The following HIVEP3 variants were observed in gnomAD, a reference collection of about 807,000 sequenced individuals.
The protein encoded by HIVEP3 is transcription factor HIVEP3.
HIVEP3 carries 49 observed loss-of-function variants against 152.8 expected under a neutral mutation model. The ratio of observed to expected loss-of-function variants is 0.32; its 90% CI spans 0.26 to 0.41. HIVEP3 has a LOEUF of 0.41. Ranked by LOEUF, HIVEP3 falls within the 10% of genes least tolerant of loss-of-function variation. HIVEP3 has a pLI of 1.00. For missense variants in HIVEP3, 2,790 were observed against 3,103.3 expected, an observed-to-expected ratio of 0.90 and a Z score of 2.40; for synonymous variants, 1,269 against 1,289.0, an observed-to-expected ratio of 0.98 and a Z score of 0.33.
intron 1 of HIVEP3, among the ~76,000 whole-genome samples, chr1:41,869,023 G>A (rs1178761551): frequency 6.6e-6 from 1 of 152,176 alleles, no homozygotes; most frequent in Non-Finnish European, 1.5e-5. Flanking sequence ...CAAAGGTGGG[G>A]TTCAAAGCAA....
chr1:41,845,404 TACACACACACACACGCACACACACACAC>T (rs1351579114), intron 1 of HIVEP3, among the ~76,000 whole-genome samples: 1 of 119,300 alleles, frequency 8.4e-6, no homozygotes, highest in Non-Finnish European at 1.7e-5. Context: ...ACACCTCCTA[TACACACACACACACGCACACACACACAC>T]ACACACACAC....
rs566502695 is a variant in HIVEP3, at chr1:41,511,641, G to A, written c.6406-375C>T. Among the ~76,000 whole-genome samples, 43 of 152,296 alleles carry A rather than the reference G, an allele frequency of 2.8e-4. No individual in the cohort carries two copies. The highest frequency in any genetic ancestry group is 9.9e-4 in the African/African-American group (41 of 41,578). The stretch of plus-strand genomic sequence containing the variant: ...CTGTTCCTAAAATGGTCTTCACCCA[G>A]CTTCACTCTTGGACATGAGTTCCCA... On this transcript the variant is annotated intron_variant, in intron 8 of 8. Coordinates refer to ENST00000372583, the MANE Select transcript of HIVEP3 (RefSeq NM_024503.5). The surrounding 1 kb of genome is among the most constrained non-coding windows in gnomAD (Gnocchi z 4.9).
chr1:41,513,183 A>G lies in HIVEP3; in HGVS notation c.6038T>C (p.Leu2013Pro). The G allele has an allele frequency of 6.2e-7, 1 of 1,613,848 alleles. No individual in the cohort carries two copies. The highest frequency in any genetic ancestry group is 2.2e-5 in the East Asian group (1 of 44,876). The change falls in exon 8 of 9, where the codon CTG becomes CCG. Residue 2013 changes from leucine (L) to proline (P), a missense_variant. Physicochemically the swap from Leu to Pro is moderately conservative, Grantham distance 98. Coordinates refer to ENST00000372583, the MANE Select transcript of HIVEP3 (RefSeq NM_024503.5). ...CATGCCCCTTCCTGGGTCCACGTGC[A>G]GGCCAGGTGGGCTTGGGGCTGAGGC... ...PQASAPSPPG[L>P]HVDPGRGMGA...
At chr1:41,518,921 G>C (rs1190180498) in intron 6 of HIVEP3, among the ~76,000 whole-genome samples, 2 of 151,858 alleles carry the variant, frequency 1.3e-5, no homozygotes. Context: ...GACGTGGGAG[G>C]CTCCCATTGA....
rs139354705 is a variant in HIVEP3, at chr1:41,758,951, A to G, written c.-800-57956T>C. On this transcript the variant is annotated intron_variant, in intron 1 of 8. Coordinates refer to ENST00000372583, the MANE Select transcript of HIVEP3 (RefSeq NM_024503.5). The stretch of plus-strand genomic sequence containing the variant: ...TTTTTTAAATTGTCGTAAAAGATAC[A>G]TAACATTTGCCATTTTAACCATTTT... Among the ~76,000 whole-genome samples, 20 of 152,286 alleles carry G rather than the reference A, an allele frequency of 1.3e-4. No homozygotes were observed. The East Asian group carries it at 2.5e-3, about 19-fold the overall frequency.
chr1:41,792,982 G>T (rs1412372618), intron 1 of HIVEP3, among the ~76,000 whole-genome samples: 1 of 152,166 alleles, frequency 6.6e-6, no homozygotes, highest in Non-Finnish European at 1.5e-5. Flanking sequence ...CCTGGATTCT[G>T]CTCTTTCCAA....
intron 1 of HIVEP3, among the ~76,000 whole-genome samples, chr1:42,034,415 C>A (rs959524976): frequency 6.6e-6 from 1 of 152,090 alleles, no homozygotes; most frequent in Non-Finnish European, 1.5e-5. Flanking sequence ...GTTGCAGAAC[C>A]GGCAGGCTAA....
rs544059492 is a variant in HIVEP3 at position 41,525,117 on chromosome 1, C to CG, written c.5208-208dup. Among the ~76,000 whole-genome samples, 23 of 152,154 alleles carry CG rather than the reference C, an allele frequency of 1.5e-4. No individual in the cohort carries two copies. The South Asian group carries it at 3.9e-3, about 26-fold the overall frequency. ...GACCCCTGCGCCCCTCCCCCTCAGA[C>CG]GGGGGGTTGCACTATTCTTCCTCCT... On this transcript the variant is annotated intron_variant, in intron 5 of 8. Transcript: ENST00000372583.
chr1:41,638,149 C>T (rs749039609), intron 2 of HIVEP3, among the ~76,000 whole-genome samples: 12 of 151,650 alleles, frequency 7.9e-5, no homozygotes, highest in African/African-American at 2.9e-4. Context: ...CACACTTCAC[C>T]GCTATGTAAT....
At chr1:41,830,700 C>T (rs1028219002) in intron 1 of HIVEP3, among the ~76,000 whole-genome samples, 1 of 152,200 alleles carries the variant, frequency 6.6e-6, no homozygotes, top group Non-Finnish European at 1.5e-5. Context: ...GGACTCAGGC[C>T]CTTGTTGGAA....
intron 5 of HIVEP3, among the ~76,000 whole-genome samples, chr1:41,527,045 C>T (rs1242347145): frequency 2.3e-5 from 1 of 43,090 alleles, no homozygotes; most frequent in African/African-American, 9.4e-5. Context: ...CTCACACACC[C>T]TCTTCCTCAC....
intron 5 of HIVEP3, among the ~76,000 whole-genome samples, chr1:41,556,225 C>T (rs2149084800): frequency 6.6e-6 from 1 of 152,330 alleles, no homozygotes; most frequent in East Asian, 1.9e-4. Flanking sequence ...ACAGCGGCTG[C>T]ACCATTTCAC....
chr1:41,903,527 C>T (rs1189382450), intron 1 of HIVEP3, among the ~76,000 whole-genome samples: 1 of 152,242 alleles, frequency 6.6e-6, no homozygotes, highest in African/African-American at 2.4e-5. Context: ...GAAAAGACCA[C>T]ACTTGCCCGA....
intron 1 of HIVEP3, among the ~76,000 whole-genome samples, chr1:41,938,881 C>G (rs1055936049): frequency 6.6e-6 from 1 of 152,214 alleles, no homozygotes; most frequent in Non-Finnish European, 1.5e-5. Context: ...CATTGTGGAG[C>G]TTCTCATGAG....
intron 1 of HIVEP3, among the ~76,000 whole-genome samples, chr1:41,856,033 ATGCCACCAAAGGGG>A (rs1216047364): frequency 6.6e-6 from 1 of 152,218 alleles, no homozygotes; most frequent in Non-Finnish European, 1.5e-5. Context: ...CTACAGGTGC[ATGCCACCAAAGGGG>A]CCTGCTGCCC....
rs972236651 is a variant in HIVEP3 at position 41,510,467 on chromosome 1, A to G, written c.7205T>C (p.Val2402Ala). ...GGAGAGAGGCTAAGCGTTGGGGGGA[A>G]CCCTGTCCTCAGGCTGATGTGGATG... Reference protein sequence around the residue: ...RAHPHQPEDRVPPNA With the variant: ...RAHPHQPEDRAPPNA Residue 2402 changes from valine to alanine, a missense_variant, in exon 9 of 9, where the codon GTT (valine) becomes GCT (alanine). Transcript: ENST00000372583. 7.2e-6 allele frequency: 11 copies of G among 1,518,744 alleles called. No individual in the cohort carries two copies. Among genetic ancestry groups the G allele is most frequent in the Middle Eastern group, 1.8e-4 (1 of 5,512 alleles). The allele number at this position is 1,518,744 out of a possible 1,614,324, so 94.1% of individuals were successfully genotyped here.
chr1:41,865,903 C>G (rs529455464), intron 1 of HIVEP3, among the ~76,000 whole-genome samples: 2 of 152,310 alleles, frequency 1.3e-5, no homozygotes, highest in South Asian at 2.1e-4. Flanking sequence ...TAACACGGAG[C>G]TTTGAGCTCA....
chr1:41,819,903 A>G (rs1254800795), intron 1 of HIVEP3, among the ~76,000 whole-genome samples: 1 of 152,236 alleles, frequency 6.6e-6, no homozygotes, highest in African/African-American at 2.4e-5. Context: ...AATGTGCTAT[A>G]GTCAAGACTT....
At chr1:41,954,859 A>G (rs943215939) in intron 1 of HIVEP3, among the ~76,000 whole-genome samples, 2 of 152,228 alleles carry the variant, frequency 1.3e-5, no homozygotes, top group Admixed American at 6.5e-5. Context: ...GGTCAGGATT[A>G]AAGATAATGC....
Sources: gnomAD v4.1 joint callset for allele counts (sites outside exome capture counted in the v4.1 genomes callset) on GRCh38, gnomAD v4.1.1 for gene constraint, Gnocchi (gnomAD v3.1) non-coding constraint, MANE v1.5 for transcripts, NCBI Gene and HGNC (gene_info 2026-07-23, HGNC 2026-07-21) for gene names.